Variants in MS4A3 observed in about 807,000 individuals in gnomAD.
MS4A3 encodes the protein membrane-spanning 4-domains subfamily A member 3.
A neutral mutation model predicts 24.7 loss-of-function variants in MS4A3; 18 were observed. That is an observed-to-expected ratio of 0.73 (90% CI 0.50 to 1.08). The LOEUF is 1.08. MS4A3 is among the 50% of genes least tolerant of loss of function. The pLI is 0.00. For synonymous variants in MS4A3, 84 were observed against 95.3 expected (o/e 0.88, Z 0.69); for missense variants, 282 against 251.7 (o/e 1.12, Z -0.82).
Position 60,070,395 on chromosome 11 carries a change from T to C in MS4A3, c.*162T>C, listed in dbSNP as rs1352653331. Reference sequence around the variant, plus strand: ...AGAACCTTGGACGTTTGACTGACTCTATCCTTTCTCTCCTAACTATAAATC... The same window carrying C: ...AGAACCTTGGACGTTTGACTGACTCCATCCTTTCTCTCCTAACTATAAATC... On this transcript the variant is annotated 3_prime_UTR_variant, in exon 7 of 7. Coordinates refer to ENST00000278865, the MANE Select transcript of MS4A3 (RefSeq NM_006138.5). 6 of 586,734 alleles carry C rather than the reference T, an allele frequency of 1.0e-5. No individual in the cohort carries two copies. The highest frequency in any genetic ancestry group is 1.8e-5 in the Non-Finnish European group (6 of 334,962). 36.3% of individuals were successfully genotyped at this position (586,734 alleles called of 1,614,324 possible). A position where few individuals can be genotyped will look rare whatever the true frequency, so the allele number is the denominator to read the frequency against.
At chr11:60,057,247 C>A (rs1440612260) in intron 1 of MS4A3, among the ~76,000 whole-genome samples, 1 of 152,196 alleles carries the variant, frequency 6.6e-6, no homozygotes, top group African/African-American at 2.4e-5. Flanking sequence ...TGGAAAGGAT[C>A]ATAGCAGTAG....
At chr11:60,062,651 A>G in intron 3 of MS4A3, 46 bp downstream of exon 3, 1 of 1,602,040 alleles carries the variant, frequency 6.2e-7, no homozygotes, top group East Asian at 2.2e-5. Context: ...CTTAGATACC[A>G]CTGCTGGAGA....
chr11:60,063,984 C>A (rs1432145920), intron 3 of MS4A3, among the ~76,000 whole-genome samples: 1 of 151,628 alleles, frequency 6.6e-6, no homozygotes, highest in Non-Finnish European at 1.5e-5. Context: ...TCCATGTAAC[C>A]AAACACCACC....
intron 1 of MS4A3, chr11:60,060,864 G>A (rs990382079): frequency 4.9e-6 from 1 of 204,880 alleles, no homozygotes; most frequent in African/African-American, 2.3e-5. Context: ...GAAAGGCAGG[G>A]ACTATATATC....
chr11:60,068,350 C>T (rs1297738560), intron 5 of MS4A3, among the ~76,000 whole-genome samples: 1 of 148,868 alleles, frequency 6.7e-6, no homozygotes, highest in African/African-American at 2.5e-5. Flanking sequence ...CGCCATTCTC[C>T]TGCCTCAGCC....
At chr11:60,056,879 T>A (rs1438034162) in intron 1 of MS4A3, 139 bp downstream of exon 1, 1 of 152,182 alleles carries the variant, frequency 6.6e-6, no homozygotes, top group Non-Finnish European at 1.5e-5. Context: ...ACTGTGAACA[T>A]GGCTTCTCTT....
Position 60,057,671 on chromosome 11 carries a change from TG to T in MS4A3, c.-16+934del, listed in dbSNP as rs1855194465. Among the ~76,000 whole-genome samples the T allele has an allele frequency of 3.3e-5, 5 of 152,308 alleles. No individual in the cohort carries two copies. In the South Asian group the frequency reaches 1.0e-3, roughly 32 times the overall value. ...CTCCCGCCTCTGCCTCCCAAAGTGC[TG>T]GGATTACAGGCATGAGCCACTGCAC... is the stretch of plus-strand genomic sequence containing the variant. On this transcript the variant is annotated intron_variant, in intron 1 of 6. Coordinates refer to ENST00000278865, the MANE Select transcript of MS4A3 (RefSeq NM_006138.5).
chr11:60,058,601 A>G (rs927066906), intron 1 of MS4A3, among the ~76,000 whole-genome samples: 2 of 145,108 alleles, frequency 1.4e-5, no homozygotes, highest in Admixed American at 7.1e-5. Flanking sequence ...CTTGTCTTTC[A>G]GGAATGGGGG....
At chr11:60,069,911 G>C (rs1459826346) in intron 6 of MS4A3, among the ~76,000 whole-genome samples, 1 of 152,156 alleles carries the variant, frequency 6.6e-6, no homozygotes, top group African/African-American at 2.4e-5. Flanking sequence ...TTATACAGCT[G>C]TAATTAAGTT....
At chr11:60,058,462 G>A (rs547018338) in intron 1 of MS4A3, among the ~76,000 whole-genome samples, 41 of 132,978 alleles carry the variant, frequency 3.1e-4, no homozygotes, top group African/African-American at 1.1e-3. Context: ...AGCTGAGATC[G>A]GGCCTCTGCA....
chr11:60,070,498 T>G lies in MS4A3; in HGVS notation c.*265T>G, dbSNP rs2134672622. 1 of 385,548 alleles carries G rather than the reference T, an allele frequency of 2.6e-6. No individual in the cohort carries two copies. 23.9% of individuals were successfully genotyped at this position (385,548 alleles called of 1,614,324 possible). On this transcript the variant is annotated 3_prime_UTR_variant, in exon 7 of 7. Coordinates refer to ENST00000278865, the MANE Select transcript of MS4A3 (RefSeq NM_006138.5). The stretch of plus-strand genomic sequence containing the variant: ...TGGATATCTGTAACTTCTATGATCA[T>G]TACTCCAAAGTTGTTTCCAGAAATT...
chr11:60,062,786 ATTAC>A (rs147410245), intron 3 of MS4A3, 181 bp downstream of exon 3: 9,527 of 408,180 alleles, frequency 0.023, 136 homozygotes, highest in Middle Eastern at 0.038. Context: ...AATTTAATTA[ATTAC>A]TTAATTAATT....
chr11:60,064,026 A>ATTT (rs1855319380), intron 3 of MS4A3, among the ~76,000 whole-genome samples: 1 of 151,760 alleles, frequency 6.6e-6, no homozygotes, highest in South Asian at 2.1e-4. Context: ...AATAAAAAAA[A>ATTT]TTTAAAAAAT....
intron 1 of MS4A3, among the ~76,000 whole-genome samples, chr11:60,059,200 C>T (rs1855228451): frequency 6.6e-6 from 1 of 152,108 alleles, no homozygotes; most frequent in Non-Finnish European, 1.5e-5. Flanking sequence ...TTGACTCTCA[C>T]TTTTAGTCAA....
intron 1 of MS4A3, among the ~76,000 whole-genome samples, chr11:60,057,554 G>T (rs1347126919): frequency 6.6e-6 from 1 of 152,060 alleles, no homozygotes; most frequent in East Asian, 1.9e-4. Flanking sequence ...ACAGGCGCGT[G>T]CTGTCACAAC....
chr11:60,070,407 C>T lies in MS4A3; in HGVS notation c.*174C>T. ...GTTTGACTGACTCTATCCTTTCTCT[C>T]CTAACTATAAATCCTATTTGTGTGT... is the stretch of plus-strand genomic sequence containing the variant. On this transcript the variant is annotated 3_prime_UTR_variant, in exon 7 of 7. Coordinates refer to ENST00000278865, the MANE Select transcript of MS4A3 (RefSeq NM_006138.5). 1.8e-6 allele frequency: 1 copy of T among 563,716 alleles called. No homozygotes were observed. The highest frequency in any genetic ancestry group is 3.1e-6 in the Non-Finnish European group (1 of 321,792). The allele number at this position is 563,716 out of a possible 1,614,324, so 34.9% of individuals were successfully genotyped here.
At chr11:60,066,812 G>T in intron 4 of MS4A3, 139 bp from the exon 5 acceptor site, 2 of 622,866 alleles carry the variant, frequency 3.2e-6, no homozygotes, top group Non-Finnish European at 2.6e-6. Context: ...TCTTTCTTTG[G>T]TCATTGATGT....
At chr11:60,068,665 C>T (rs1287359199) in intron 5 of MS4A3, among the ~76,000 whole-genome samples, 2 of 152,108 alleles carry the variant, frequency 1.3e-5, no homozygotes, top group East Asian at 1.9e-4. Context: ...GATCTATGAA[C>T]TGTTAATTAC....
intron 1 of MS4A3, 166 bp from the exon 2 acceptor site, chr11:60,060,980 A>T: frequency 1.9e-6 from 1 of 523,392 alleles, no homozygotes; most frequent in Non-Finnish European, 3.2e-6. Context: ...CCAAGGCAAG[A>T]CAGAATTGAA....
Sources: gnomAD v4.1 joint callset for allele counts (sites outside exome capture counted in the v4.1 genomes callset) on GRCh38, gnomAD v4.1.1 for gene constraint, MANE v1.5 for transcripts, NCBI Gene and HGNC (gene_info 2026-07-23, HGNC 2026-07-21) for gene names.